Variants in PRDX6 observed in about 807,000 individuals in gnomAD.
The protein encoded by PRDX6 is peroxiredoxin-6.
Under a neutral mutation model 20.0 loss-of-function variants are expected in PRDX6, and 13 were observed. That is an observed-to-expected ratio of 0.65 (90% confidence interval 0.42 to 1.03). The LOEUF (loss-of-function observed/expected upper bound fraction) is 1.03. Among genes scored for constraint, PRDX6 ranks in the 50% least tolerant of loss-of-function variants. PRDX6 has a pLI of 0.00. For missense variants in PRDX6, 203 were observed against 276.9 expected (o/e 0.73, Z 1.89); for synonymous variants, 85 against 100.8 (o/e 0.84, Z 0.94).
chr1:173,477,507 C>T lies in PRDX6; in HGVS notation c.95+15C>T, dbSNP rs746587076. ...CTGGGAGACTCGTAAGTGGCCACCGCGTAGCCCTGTCCTGGCCTCGGTTGC... is the reference window on the plus strand; with the variant it reads ...CTGGGAGACTCGTAAGTGGCCACCGTGTAGCCCTGTCCTGGCCTCGGTTGC... On this transcript the variant is annotated intron_variant, in intron 1 of 4. Coordinates refer to ENST00000340385, the MANE Select transcript of PRDX6 (RefSeq NM_004905.3). The T allele has an allele frequency of 1.9e-6, 3 of 1,590,004 alleles. No homozygotes were observed. The Admixed American group carries it at 5.1e-5, about 27-fold the overall frequency.
intron 1 of PRDX6, among the ~76,000 whole-genome samples, chr1:173,479,274 C>T (rs1446610729): frequency 6.6e-6 from 1 of 152,148 alleles, no homozygotes; most frequent in East Asian, 1.9e-4. Flanking sequence ...CATTTATTAA[C>T]TAATATACAA....
chr1:173,484,845 G>GTTTTTTTTTTTTTTTGTTTT (rs11365317), intron 2 of PRDX6, among the ~76,000 whole-genome samples: 1 of 131,466 alleles, frequency 7.6e-6, no homozygotes, highest in Non-Finnish European at 1.7e-5. Flanking sequence ...TTTGTGATTT[G>GTTTTTTTTTTTTTTTGTTTT]TTTTTTTTTT....
At position 173,477,501 on chromosome 1, in the gene PRDX6, C is replaced by A; in HGVS notation, c.95+9C>A. On this transcript the variant is annotated intron_variant, in intron 1 of 4. Coordinates refer to ENST00000340385, the MANE Select transcript of PRDX6 (RefSeq NM_004905.3). ...GACTTTCTGGGAGACTCGTAAGTGG[C>A]CACCGCGTAGCCCTGTCCTGGCCTC... 1 of 1,595,312 alleles carries A rather than the reference C, an allele frequency of 6.3e-7. No individual in the cohort carries two copies. Among genetic ancestry groups the A allele is most frequent in the Non-Finnish European group, 8.5e-7 (1 of 1,170,012 alleles).
intron 2 of PRDX6, among the ~76,000 whole-genome samples, chr1:173,484,689 T>G (rs1415176293): frequency 6.6e-6 from 1 of 152,018 alleles, no homozygotes; most frequent in African/African-American, 2.4e-5. Context: ...GGGAAGTGTA[T>G]CATTTTTCTT....
chr1:173,488,560 A>G lies in PRDX6; in HGVS notation c.*697A>G, dbSNP rs1658941835. 6.6e-6 allele frequency: 1 copy of G among 152,220 alleles called. No individual in the cohort carries two copies. Among genetic ancestry groups the G allele is most frequent in the African/African-American group, 2.4e-5 (1 of 41,456 alleles). 9.4% of individuals were successfully genotyped at this position (152,220 alleles called of 1,614,324 possible). Reference sequence around the variant, plus strand: ...GTTTCTATCAAAATGGGGAGATTGCAGAAAAGGCTTCCCTTGGCTCCCAAG... The same window carrying G: ...GTTTCTATCAAAATGGGGAGATTGCGGAAAAGGCTTCCCTTGGCTCCCAAG... On this transcript the variant is annotated 3_prime_UTR_variant, in exon 5 of 5. Transcript: ENST00000340385.
rs1244767334 is a variant in PRDX6, at chr1:173,482,469, G to A, written c.252+987G>A. On this transcript the variant is annotated intron_variant, in intron 2 of 4. Coordinates refer to ENST00000340385, the MANE Select transcript of PRDX6 (RefSeq NM_004905.3). Reference sequence around the variant, plus strand: ...GCTCACTACTCAGTATATCCTAGGCGATCAGTCAATATTTGTTGAATGAAT... The same window carrying A: ...GCTCACTACTCAGTATATCCTAGGCAATCAGTCAATATTTGTTGAATGAAT... Among the ~76,000 whole-genome samples the A allele has an allele frequency of 7.2e-5, 11 of 152,274 alleles. No individual in the cohort carries two copies. In the East Asian group the frequency reaches 1.9e-3, roughly 27 times the overall value.
chr1:173,487,047 C>A lies in PRDX6; in HGVS notation c.546+646C>A, dbSNP rs1378820343. The stretch of plus-strand genomic sequence containing the variant: ...CTTATTGAGCCCAGATAGTAGTGAA[C>A]TGGGGAGATAGCAGTGAATAATAGA... On this transcript the variant is annotated intron_variant, in intron 4 of 4. Coordinates refer to ENST00000340385, the MANE Select transcript of PRDX6 (RefSeq NM_004905.3). Among the ~76,000 whole-genome samples, 4 of 152,058 alleles carry A rather than the reference C, an allele frequency of 2.6e-5. No homozygotes were observed. The East Asian group carries it at 7.7e-4, about 29-fold the overall frequency.
chr1:173,480,784 C>A (rs1658788398), intron 1 of PRDX6, among the ~76,000 whole-genome samples: 1 of 152,118 alleles, frequency 6.6e-6, no homozygotes, highest in Non-Finnish European at 1.5e-5. Flanking sequence ...TTCAGAGAAG[C>A]CAAGTGTCAA....
At chr1:173,486,516 T>G (rs1658902239) in intron 4 of PRDX6, 115 bp downstream of exon 4, 3 of 1,151,480 alleles carry the variant, frequency 2.6e-6, no homozygotes, top group East Asian at 5.1e-5. Context: ...TGGGAGGATT[T>G]TTCCTCATGG....
At chr1:173,487,659 T>C in intron 4 of PRDX6, 76 bp from the exon 5 acceptor site, 1 of 1,544,098 alleles carries the variant, frequency 6.5e-7, no homozygotes, top group Non-Finnish European at 8.9e-7. Flanking sequence ...GTAGCTACTT[T>C]TCTAAAGTTA....
intron 1 of PRDX6, 28 bp from the exon 2 acceptor site, chr1:173,481,298 A>G (rs780743209): frequency 1.9e-6 from 3 of 1,602,066 alleles, no homozygotes; most frequent in Middle Eastern, 1.7e-4. Flanking sequence ...TCTTAATTCA[A>G]TTGTGACCTT....
Position 173,485,509 on chromosome 1 carries a change from T to C in PRDX6, c.399+2T>C, listed in dbSNP as rs1278248853. ...GGCATGCCTGTGACAGCTCGTGTGG[T>C]AGGTCATACAAATTCATTTTGTAGT... On this transcript the variant is annotated splice_donor_variant, in intron 3 of 4. Transcript: ENST00000340385. LOFTEE classifies it high-confidence loss of function. 1 of 1,586,972 alleles carries C rather than the reference T, an allele frequency of 6.3e-7. No individual in the cohort carries two copies. Among genetic ancestry groups the C allele is most frequent in the Non-Finnish European group, 8.6e-7 (1 of 1,164,822 alleles).
chr1:173,479,858 T>C (rs1557996159), intron 1 of PRDX6, among the ~76,000 whole-genome samples: 1 of 152,212 alleles, frequency 6.6e-6, no homozygotes, highest in Non-Finnish European at 1.5e-5. Context: ...AACCAGTTCC[T>C]TTTGCATGAT....
At chr1:173,481,550 G>A in intron 2 of PRDX6, 68 bp downstream of exon 2, 1 of 1,505,246 alleles carries the variant, frequency 6.6e-7, no homozygotes. Context: ...TGGAGTACTT[G>A]GTTTTGAGGT....
chr1:173,477,754 GC>G (rs1266247636), intron 1 of PRDX6, among the ~76,000 whole-genome samples: 2 of 152,252 alleles, frequency 1.3e-5, no homozygotes, highest in African/African-American at 4.8e-5. Context: ...GCGTGGCTGG[GC>G]AAGGCCACGC....
At chr1:173,481,621 C>A in intron 2 of PRDX6, 139 bp downstream of exon 2, 3 of 882,142 alleles carry the variant, frequency 3.4e-6, no homozygotes, top group East Asian at 2.6e-5. Flanking sequence ...TCAGTTGAAC[C>A]ACACAGTGAT....
chr1:173,488,567 G>T lies in PRDX6; in HGVS notation c.*704G>T, dbSNP rs1279386602. 6.6e-6 allele frequency: 1 copy of T among 152,178 alleles called. No homozygotes were observed. The highest frequency in any genetic ancestry group is 1.5e-5 in the Non-Finnish European group (1 of 68,042). The allele number at this position is 152,178 out of a possible 1,614,324, so 9.4% of individuals were successfully genotyped here. A position where few individuals can be genotyped will look rare whatever the true frequency, so the allele number is the denominator to read the frequency against. On this transcript the variant is annotated 3_prime_UTR_variant, in exon 5 of 5. Transcript: ENST00000340385. ...TCAAAATGGGGAGATTGCAGAAAAG[G>T]CTTCCCTTGGCTCCCAAGGAGGTGT...
chr1:173,478,964 A>C (rs1658755504), intron 1 of PRDX6, among the ~76,000 whole-genome samples: 1 of 152,218 alleles, frequency 6.6e-6, no homozygotes, highest in Admixed American at 6.5e-5. Context: ...TCTAGGTAGT[A>C]ATATTTCTCC....
chr1:173,486,494 ACGCAAGTACACTGGGAGGATTTTTCCT>A (rs1658901511), intron 4 of PRDX6, 93 bp downstream of exon 4: 1 of 1,312,684 alleles, frequency 7.6e-7, no homozygotes, highest in East Asian at 2.4e-5. Flanking sequence ...TGTTTCTAGC[ACGCAAGTACACTGGGAGGATTTTTCCT>A]CATGGCTGAG....
Sources: gnomAD v4.1 joint callset for allele counts (sites outside exome capture counted in the v4.1 genomes callset) on GRCh38, gnomAD v4.1.1 for gene constraint, MANE v1.5 for transcripts, NCBI Gene and HGNC (gene_info 2026-07-23, HGNC 2026-07-21) for gene names.